The following DAB1 variants were observed in gnomAD, a reference collection of about 807,000 sequenced individuals.
DAB1 encodes the protein DAB adaptor protein 1.
In DAB1, 15 loss-of-function variants were observed where a neutral mutation model predicts 64.6. That is an observed-to-expected ratio of 0.23 (90% CI 0.16 to 0.36). DAB1 has a LOEUF of 0.36. Ranked by LOEUF, DAB1 falls within the 10% of genes least tolerant of loss-of-function variation. The pLI is 1.00. For synonymous variants in DAB1, 235 were observed against 251.9 expected (o/e 0.93, Z 0.64); for missense variants, 596 against 706.7 (o/e 0.84, Z 1.78).
chr1:57,794,107 A>G (rs1650728917), intron 6 of DAB1, among the ~76,000 whole-genome samples: 1 of 152,114 alleles, frequency 6.6e-6, no homozygotes, highest in Admixed American at 6.5e-5. Flanking sequence ...TCCTGCTACC[A>G]TGTTCCAAAT....
intron 5 of DAB1, among the ~76,000 whole-genome samples, chr1:57,984,174 TAGCTTAAAA>T (rs1646134780): frequency 9.6e-6 from 1 of 103,742 alleles, no homozygotes; most frequent in East Asian, 3.2e-4. Flanking sequence ...GGCCCAGGAC[TAGCTTAAAA>T]AAAAGAAAGA....
intron 1 of DAB1, among the ~76,000 whole-genome samples, chr1:57,303,061 C>T (rs1673802175): frequency 6.6e-6 from 1 of 152,166 alleles, no homozygotes. Flanking sequence ...GATGCTCAAG[C>T]CCTAATCACT....
At chr1:58,523,724 C>G (rs898178961) in intron 2 of DAB1, among the ~76,000 whole-genome samples, 8 of 152,050 alleles carry the variant, frequency 5.3e-5, no homozygotes, top group African/African-American at 7.3e-5. Context: ...ACGGTGAAAC[C>G]CCATCTCTAC....
At chr1:58,007,160 C>A (rs992606203) in intron 5 of DAB1, among the ~76,000 whole-genome samples, 2 of 151,956 alleles carry the variant, frequency 1.3e-5, no homozygotes, top group Non-Finnish European at 2.9e-5. Flanking sequence ...GAGTTACTGG[C>A]AAATCCAGAA....
intron 1 of DAB1, chr1:58,536,620 CCA>C: frequency 2.3e-6 from 2 of 872,824 alleles, no homozygotes. Context: ...AAATAAAACA[CCA>C]CAAAGAGCAA....
chr1:57,934,784 T>C (rs1282251147), intron 5 of DAB1, among the ~76,000 whole-genome samples: 2 of 152,174 alleles, frequency 1.3e-5, no homozygotes, highest in South Asian at 2.1e-4. Flanking sequence ...GCTGCGACAG[T>C]AGACATTGTG....
At chr1:57,757,918 T>C (rs1262952016) in intron 6 of DAB1, among the ~76,000 whole-genome samples, 1 of 152,032 alleles carries the variant, frequency 6.6e-6, no homozygotes, top group Admixed American at 6.6e-5. Context: ...CTAGGCTCAA[T>C]CGATCCTTCT....
At chr1:57,679,667 G>T (rs75422019) in intron 6 of DAB1, among the ~76,000 whole-genome samples, 1 of 152,172 alleles carries the variant, frequency 6.6e-6, no homozygotes, top group East Asian at 1.9e-4. Flanking sequence ...ACGCACACAC[G>T]CCTGTTTAGC....
intron 4 of DAB1, among the ~76,000 whole-genome samples, chr1:58,230,577 GGGC>G (rs1281302375): frequency 3.3e-5 from 5 of 152,106 alleles, no homozygotes; most frequent in Admixed American, 2.6e-4. Flanking sequence ...AAGGACAAAG[GGGC>G]ACCCTCTTAC....
intron 7 of DAB1, among the ~76,000 whole-genome samples, chr1:57,565,416 C>T (rs1489082813): frequency 6.6e-6 from 1 of 152,148 alleles, no homozygotes; most frequent in Non-Finnish European, 1.5e-5. Flanking sequence ...CAAATTCACA[C>T]ATAACAATAT....
In DAB1 at chr1:57,480,687, G is replaced by T. The variant is rs538346619; in HGVS notation, n.625+168905C>A. ...TTTAGTAGAGACAGGGTTTCACCAT[G>T]TTGGCCAGACTGGTCTTGAACTCCT... On this transcript the variant is annotated intron_variant and non_coding_transcript_variant, in intron 7 of 20. Coordinates refer to the DAB1 transcript ENST00000485760. Among the ~76,000 whole-genome samples, 13 of 152,212 alleles carry T rather than the reference G, an allele frequency of 8.5e-5. No homozygotes were observed. The South Asian group carries it at 2.5e-3, about 29-fold the overall frequency.
chr1:57,590,625 C>T (rs946138839), intron 7 of DAB1, among the ~76,000 whole-genome samples: 1 of 151,938 alleles, frequency 6.6e-6, no homozygotes, highest in African/African-American at 2.4e-5. Flanking sequence ...GCCACCGTGC[C>T]TAGCCCCTTA....
At chr1:57,282,182 C>CA (rs61512431) in intron 2 of DAB1, among the ~76,000 whole-genome samples, 3,480 of 92,304 alleles carry the variant, frequency 0.038, 500 homozygotes, top group Non-Finnish European at 0.045. Context: ...GCCTTCTTCT[C>CA]AAAAAAAAAA....
At chr1:57,145,500 C>G in intron 2 of DAB1, 71 bp from the exon 3 acceptor site, 1 of 1,512,350 alleles carries the variant, frequency 6.6e-7, no homozygotes, top group Non-Finnish European at 9.1e-7. Flanking sequence ...TCCACAATTC[C>G]AAGATCCGCT....
At chr1:57,486,048 CTT>C (rs1644087561) in intron 7 of DAB1, among the ~76,000 whole-genome samples, 1 of 152,190 alleles carries the variant, frequency 6.6e-6, no homozygotes, top group Non-Finnish European at 1.5e-5. Flanking sequence ...CCTTCTCTAA[CTT>C]TTACTCTCCA....
chr1:58,428,021 T>C (rs1483638179), intron 3 of DAB1, among the ~76,000 whole-genome samples: 1 of 152,240 alleles, frequency 6.6e-6, no homozygotes, highest in African/African-American at 2.4e-5. Flanking sequence ...AAACTCATTA[T>C]TCAAAAACTG....
intron 6 of DAB1, among the ~76,000 whole-genome samples, chr1:57,715,439 C>T (rs1295343386): frequency 6.6e-6 from 1 of 152,028 alleles, no homozygotes; most frequent in Non-Finnish European, 1.5e-5. Flanking sequence ...AGCAATTAGG[C>T]AGGAGAAAGA....
intron 5 of DAB1, among the ~76,000 whole-genome samples, chr1:57,959,472 G>A (rs546659187): frequency 7.2e-5 from 11 of 152,236 alleles, no homozygotes; most frequent in East Asian, 3.9e-4. Context: ...TCACATCCTC[G>A]CAGTAACCCA....
intron 5 of DAB1, among the ~76,000 whole-genome samples, chr1:58,144,452 C>T (rs1473761478): frequency 1.3e-5 from 2 of 152,216 alleles, no homozygotes; most frequent in East Asian, 3.8e-4. Context: ...GTCCATTAAT[C>T]AGTATGGTCA....
Sources: allele counts gnomAD v4.1 joint callset (sites outside exome capture counted in the v4.1 genomes callset), GRCh38; gene constraint gnomAD v4.1.1; transcripts MANE v1.5; gene names NCBI Gene and HGNC (gene_info 2026-07-23, HGNC 2026-07-21).